Variants in CDH22 observed in about 807,000 individuals in gnomAD.
CDH22 encodes cadherin-22.
A neutral mutation model predicts 58.4 loss-of-function variants in CDH22; 30 were observed. That is an observed-to-expected ratio of 0.51 (90% confidence interval 0.38 to 0.70). The LOEUF (loss-of-function observed/expected upper bound fraction) is 0.70, where lower values mean the gene tolerates loss of function less well. Among genes scored for constraint, CDH22 ranks in the 30% least tolerant of loss-of-function variants. The probability of loss-of-function intolerance (pLI) is 0.00; values close to 1 mark genes in which losing one functional copy is unlikely to be tolerated. For synonymous variants in CDH22, 513 were observed against 558.2 expected (o/e 0.92, Z 1.14); for missense variants, 1,014 against 1,233.9 (o/e 0.82, Z 2.67).
At chr20:46,233,155 G>A (rs887361614) in intron 3 of CDH22, among the ~76,000 whole-genome samples, 26 of 152,182 alleles carry the variant, frequency 1.7e-4, no homozygotes, top group Admixed American at 1.0e-3. Context: ...GAGGAACTAG[G>A]AGAGGAAGGT....
chr20:46,208,742 C>T (rs550732012), intron 7 of CDH22, among the ~76,000 whole-genome samples: 10 of 152,108 alleles, frequency 6.6e-5, no homozygotes, highest in African/African-American at 9.7e-5. Flanking sequence ...TACAGGTGTG[C>T]GCTACCACAC....
In CDH22 at chr20:46,210,257, T is replaced by G; in HGVS notation, c.1286+50A>C. The G allele has an allele frequency of 7.4e-7, 1 of 1,359,204 alleles. No homozygotes were observed. The highest frequency in any genetic ancestry group is 9.4e-7 in the Non-Finnish European group (1 of 1,060,396). The allele number at this position is 1,359,204 out of a possible 1,614,324, so 84.2% of individuals were successfully genotyped here. On this transcript the variant is annotated intron_variant, in intron 7 of 11. Coordinates refer to ENST00000537909, the MANE Select transcript of CDH22 (RefSeq NM_021248.3). The surrounding 1 kb of genome is among the most constrained non-coding windows in gnomAD (Gnocchi z 4.5). Reference sequence around the variant, plus strand: ...TCTGCCCGCAGTCTGTCCGCGGGGGTGATGGCGGGATAGCAGGCAGCAGGC... The same window carrying G: ...TCTGCCCGCAGTCTGTCCGCGGGGGGGATGGCGGGATAGCAGGCAGCAGGC...
intron 1 of CDH22, among the ~76,000 whole-genome samples, chr20:46,296,552 C>T (rs1195906870): frequency 6.6e-6 from 1 of 152,176 alleles, no homozygotes; most frequent in Non-Finnish European, 1.5e-5. Flanking sequence ...TGAAACAGGG[C>T]ACTGAGATTG....
Position 46,174,829 on chromosome 20 carries a change from G to C in CDH22, c.2164C>G (p.Pro722Ala). 7.0e-7 allele frequency: 1 copy of C among 1,427,238 alleles called. No homozygotes were observed. Among genetic ancestry groups the C allele is most frequent in the Non-Finnish European group, 9.2e-7 (1 of 1,092,100 alleles). The allele number at this position is 1,427,238 out of a possible 1,614,324, so 88.4% of individuals were successfully genotyped here. A position where few individuals can be genotyped will look rare whatever the true frequency, so the allele number is the denominator to read the frequency against. ...GGSGGGAGSPPQAHLPSERHS... is the reference protein window; with the variant it reads ...GGSGGGAGSPAQAHLPSERHS... ...CGCTCGGAGGGCAGGTGGGCCTGCG[G>C]GGGGCTGCCCGCGCCCCCGCCCGAG... is the stretch of plus-strand genomic sequence containing the variant. The change falls in exon 12 of 12, where the codon CCG becomes GCG. Residue 722 changes from proline (P) to alanine (A), a missense_variant. This residue lies in a region of CDH22 where 208 missense variants were observed against 195.2 expected (regional missense o/e 1.07). Coordinates refer to ENST00000537909, the MANE Select transcript of CDH22 (RefSeq NM_021248.3). This position sits in a 1 kb window ranked among gnomAD's most constrained non-coding sequence, Gnocchi z 4.4.
chr20:46,250,940 A>G, intron 2 of CDH22, 100 bp downstream of exon 2: 2 of 751,032 alleles, frequency 2.7e-6, no homozygotes, highest in Non-Finnish European at 4.6e-6. Flanking sequence ...GGCACATGAA[A>G]CATGGATTTA....
intron 1 of CDH22, among the ~76,000 whole-genome samples, chr20:46,272,195 A>C (rs2086494180): frequency 6.6e-6 from 1 of 152,224 alleles, no homozygotes; most frequent in Admixed American, 6.5e-5. Context: ...TCCGTCCAGA[A>C]GTTTAAGATG....
chr20:46,249,978 C>T (rs4813015), intron 2 of CDH22, among the ~76,000 whole-genome samples: 77,456 of 152,032 alleles, frequency 0.51, 19,815 homozygotes, highest in South Asian at 0.58. Flanking sequence ...CTGGTGCTGA[C>T]TCATGAAGCT....
chr20:46,221,007 A>G (rs542983039), intron 4 of CDH22, among the ~76,000 whole-genome samples: 1 of 152,242 alleles, frequency 6.6e-6, no homozygotes, highest in South Asian at 2.1e-4. Flanking sequence ...AAGTGTGACA[A>G]AAGCAGAGGT....
At chr20:46,285,537 C>T (rs1203861380) in intron 1 of CDH22, among the ~76,000 whole-genome samples, 1 of 152,196 alleles carries the variant, frequency 6.6e-6, no homozygotes, top group African/African-American at 2.4e-5. Flanking sequence ...ACCTTCCCCC[C>T]AAACACCCAT....
In CDH22 at chr20:46,251,403, G is replaced by GGCC. The variant is rs2086374104; in HGVS notation, c.-112_-110dup. 7.9e-7 allele frequency: 1 copy of GGCC among 1,262,550 alleles called. No individual in the cohort carries two copies. The highest frequency in any genetic ancestry group is 4.1e-5 in the Admixed American group (1 of 24,252). 78.2% of individuals were successfully genotyped at this position (1,262,550 alleles called of 1,614,324 possible). Reference sequence around the variant, plus strand: ...CCGTGTCACATGGTGGCCTCAGCGCGGCCGCCGGGATGTCGCCCCCGACGG... The same window carrying GGCC: ...CCGTGTCACATGGTGGCCTCAGCGCGGCCGCCGCCGGGATGTCGCCCCCGACGG... On this transcript the variant is annotated 5_prime_UTR_variant, in exon 2 of 12. Coordinates refer to ENST00000537909, the MANE Select transcript of CDH22 (RefSeq NM_021248.3). This position sits in a 1 kb window ranked among gnomAD's most constrained non-coding sequence, Gnocchi z 6.7.
At chr20:46,227,665 G>C (rs370828289) in intron 3 of CDH22, 38 bp from the exon 4 acceptor site, 9 of 1,582,960 alleles carry the variant, frequency 5.7e-6, no homozygotes, top group Non-Finnish European at 7.7e-6. Context: ...GGGTCATCTG[G>C]GGCTGCGGAG....
rs188612317 is a variant in CDH22, at chr20:46,259,535, C to T, written c.-399-7842G>A. ...GCAGGAGAGACCAATATTTTTTAAACCCAAACAAAAAAATCCCACAACAAA... is the reference window on the plus strand; with the variant it reads ...GCAGGAGAGACCAATATTTTTTAAATCCAAACAAAAAAATCCCACAACAAA... On this transcript the variant is annotated intron_variant, in intron 1 of 11. Coordinates refer to ENST00000537909, the MANE Select transcript of CDH22 (RefSeq NM_021248.3). Among the ~76,000 whole-genome samples the T allele has an allele frequency of 2.7e-3, 408 of 152,184 alleles. 1 individual carries two copies. The highest frequency in any genetic ancestry group is 3.9e-3 in the Non-Finnish European group (263 of 68,006).
chr20:46,194,273 C>T (rs553192459), intron 8 of CDH22, among the ~76,000 whole-genome samples: 2 of 152,324 alleles, frequency 1.3e-5, no homozygotes, highest in South Asian at 4.1e-4. Context: ...CCAGAAAACA[C>T]TGGCTGCGGG....
chr20:46,182,958 C>T (rs1471030949), intron 10 of CDH22, among the ~76,000 whole-genome samples: 1 of 152,126 alleles, frequency 6.6e-6, no homozygotes, highest in African/African-American at 2.4e-5. Context: ...GTGCTGCTGC[C>T]ACCCTGTCCC....
rs139135859 is a variant in CDH22, at chr20:46,227,569, G to A, written c.609C>T (p.Ser203=). 2,333 of 1,612,438 alleles carry A rather than the reference G, an allele frequency of 1.4e-3. 5 individuals carry two copies. The highest frequency in any genetic ancestry group is 1.8e-3 in the Non-Finnish European group (2,173 of 1,179,558). Reference sequence around the variant, plus strand: ...CCAGCACGCTGTACACCAGCCGAGCGCTGCTGCCGTACGTGGGGTCATCCG... The same window carrying A: ...CCAGCACGCTGTACACCAGCCGAGCACTGCTGCCGTACGTGGGGTCATCCG... ...SDADDPTYGS[S]ARLVYSVLDG... is the part of the protein sequence containing the mutation. Residue 203 remains serine, a synonymous_variant, in exon 4 of 12, where the codon AGC becomes AGT. Transcript: ENST00000537909.
At chr20:46,179,917 G>A (rs1189513691) in intron 10 of CDH22, among the ~76,000 whole-genome samples, 1 of 151,386 alleles carries the variant, frequency 6.6e-6, no homozygotes, top group Non-Finnish European at 1.5e-5. Context: ...CTGCTCTCTG[G>A]AACACCCTCT....
chr20:46,249,161 T>A (rs1388000742), intron 2 of CDH22, among the ~76,000 whole-genome samples: 3 of 152,192 alleles, frequency 2.0e-5, no homozygotes, highest in Non-Finnish European at 4.4e-5. Context: ...TTGTTCAAGG[T>A]CACTCAGTGA....
intron 1 of CDH22, among the ~76,000 whole-genome samples, chr20:46,252,867 A>G (rs1361902756): frequency 2.0e-5 from 3 of 152,314 alleles, no homozygotes; most frequent in East Asian, 1.9e-4. Context: ...CAGGGAAGGG[A>G]CTGAGCTCGG....
chr20:46,229,640 G>C (rs1336130395), intron 3 of CDH22, among the ~76,000 whole-genome samples: 1 of 152,194 alleles, frequency 6.6e-6, no homozygotes, highest in Non-Finnish European at 1.5e-5. Context: ...GACAGTGCCT[G>C]AACCATGCCA....
Sources: allele counts gnomAD v4.1 joint callset (sites outside exome capture counted in the v4.1 genomes callset), GRCh38; gene constraint gnomAD v4.1.1; regional missense constraint gnomAD v4.1.1; non-coding constraint Gnocchi (gnomAD v3.1); transcripts MANE v1.5; gene names NCBI Gene and HGNC (gene_info 2026-07-23, HGNC 2026-07-21).